TNIP3: variants seen among roughly 807,000 people sequenced by gnomAD.
The protein encoded by TNIP3 is TNFAIP3 interacting protein 3, also known as TNFAIP3-interacting protein 3.
In TNIP3, 34 loss-of-function variants were observed where a neutral mutation model predicts 54.1. The ratio of observed to expected loss-of-function variants is 0.63; its 90% CI spans 0.48 to 0.84. The LOEUF (loss-of-function observed/expected upper bound fraction) is 0.84. TNIP3 is among the 40% of genes least tolerant of loss of function. The pLI, the probability that TNIP3 is intolerant of heterozygous loss-of-function variation, is 0.00. For missense variants in TNIP3, 366 were observed against 387.6 expected, an observed-to-expected ratio of 0.94 and a Z score of 0.47; for synonymous variants, 134 against 136.8, an observed-to-expected ratio of 0.98 and a Z score of 0.14.
intron 7 of TNIP3, among the ~76,000 whole-genome samples, chr4:121,146,705 T>G (rs1488534608): frequency 6.6e-6 from 1 of 152,028 alleles, no homozygotes; most frequent in Non-Finnish European, 1.5e-5. Flanking sequence ...TCAAAGAAAA[T>G]GACAAGAATT....
chr4:121,220,601 A>T (rs1334380935), upstream of TNIP3, among the ~76,000 whole-genome samples: 1 of 151,962 alleles, frequency 6.6e-6, no homozygotes, highest in Non-Finnish European at 1.5e-5. Flanking sequence ...GTTTTTTTTT[A>T]ACCTTTTGGT....
In TNIP3 at chr4:121,142,761, T is replaced by A; in HGVS notation, c.751A>T (p.Met251Leu). ...RLNSQIKACQ[M>L]EKEKLEKQLK... ...TGCTTTTCTAGTTTTTCTTTCTCCA[T>A]CTGACAAGCTTTTATCTAAAGACAA... The change falls in exon 8 of 11, where the codon ATG (methionine) becomes TTG (leucine). Residue 251 changes from methionine (M) to leucine (L), a missense_variant. Coordinates refer to ENST00000057513, the MANE Select transcript of TNIP3 (RefSeq NM_024873.6). 3 of 1,612,650 alleles carry A rather than the reference T, an allele frequency of 1.9e-6. No homozygotes were observed. Among genetic ancestry groups the A allele is most frequent in the African/African-American group, 1.3e-5 (1 of 75,014 alleles).
At chr4:121,185,646 ATC>A (rs1159103727) in intron 2 of TNIP3, among the ~76,000 whole-genome samples, 1 of 152,216 alleles carries the variant, frequency 6.6e-6, no homozygotes, top group Non-Finnish European at 1.5e-5. Context: ...ATTAACTCAA[ATC>A]TAACCAATAA....
Position 121,157,122 on chromosome 4 carries a change from AGGTC to A in TNIP3, c.331_334del (p.Asp111Ter). On this transcript the variant is annotated frameshift_variant, in exon 4 of 11. Coordinates refer to ENST00000057513, the MANE Select transcript of TNIP3 (RefSeq NM_024873.6). LOFTEE classifies it high-confidence loss of function. ...CTCCCGCTGCAGCCGGTCCCGGGTC[AGGTC>A]GCGCTGCCTGTCGTCCTCTCTCTGC... 1 of 1,607,360 alleles carries A rather than the reference AGGTC, an allele frequency of 6.2e-7. No homozygotes were observed. Among genetic ancestry groups the A allele is most frequent in the Non-Finnish European group, 8.5e-7 (1 of 1,174,330 alleles).
intron 2 of TNIP3, among the ~76,000 whole-genome samples, chr4:121,187,634 A>T (rs1465929750): frequency 6.6e-6 from 1 of 152,242 alleles, no homozygotes. Flanking sequence ...TAAAGAAAAC[A>T]ACTATAGGTC....
At chr4:121,156,052 A>C (rs530895329) in intron 4 of TNIP3, among the ~76,000 whole-genome samples, 1 of 152,334 alleles carries the variant, frequency 6.6e-6, no homozygotes, top group South Asian at 2.1e-4. Flanking sequence ...GCTAGAGTGT[A>C]ATTGGAAAAG....
At chr4:121,227,386 A>G in exon 1 of TNIP3, 1 of 1,535,466 alleles carries the variant, frequency 6.5e-7, no homozygotes, top group East Asian at 2.5e-5. Context: ...GTTACTCACC[A>G]TGTTCTATCC....
rs142456270 is a variant in TNIP3 at position 121,132,635 on chromosome 4, G to A, written c.974C>T (p.Pro325Leu). 28 of 1,612,836 alleles carry A rather than the reference G, an allele frequency of 1.7e-5. No homozygotes were observed. Among genetic ancestry groups the A allele is most frequent in the East Asian group, 1.3e-4 (6 of 44,870 alleles). ...NGLSSVKKVHP is the reference protein window; with the variant it reads ...NGLSSVKKVHL ...TCTCTCTGTTAGTGTGTACTTCTAC[G>A]GATGGACTTTCTTTACTGAGGATAA... Residue 325 changes from proline (P) to leucine (L), a missense_variant, in exon 11 of 11, where the codon CCG (proline) becomes CTG (leucine). Coordinates refer to ENST00000057513, the MANE Select transcript of TNIP3 (RefSeq NM_024873.6).
intron 3 of TNIP3, among the ~76,000 whole-genome samples, chr4:121,158,054 C>A (rs966159598): frequency 6.6e-6 from 1 of 152,154 alleles, no homozygotes; most frequent in African/African-American, 2.4e-5. Context: ...TTTCTTAATA[C>A]TGAATTATTT....
chr4:121,139,618 G>T (rs1007502901), intron 9 of TNIP3, among the ~76,000 whole-genome samples: 9 of 152,176 alleles, frequency 5.9e-5, no homozygotes, highest in Non-Finnish European at 8.8e-5. Flanking sequence ...TTACAAGGCT[G>T]CCAGACCACT....
chr4:121,182,002 C>T (rs1202399414), intron 3 of TNIP3, among the ~76,000 whole-genome samples: 1 of 151,962 alleles, frequency 6.6e-6, no homozygotes, highest in Non-Finnish European at 1.5e-5. Flanking sequence ...TTTTAAAATG[C>T]CAGCCATGCT....
chr4:121,175,008 A>T (rs1724223578), intron 3 of TNIP3, among the ~76,000 whole-genome samples: 1 of 152,216 alleles, frequency 6.6e-6, no homozygotes, highest in Non-Finnish European at 1.5e-5. Flanking sequence ...TGTCCCTAGG[A>T]GACATCCACA....
At chr4:121,176,015 G>T (rs372943805) in intron 3 of TNIP3, among the ~76,000 whole-genome samples, 16 of 152,104 alleles carry the variant, frequency 1.1e-4, no homozygotes, top group African/African-American at 1.7e-4. Flanking sequence ...AAAAATCCTC[G>T]TAATGAATGG....
At chr4:121,223,430 C>T (rs531815725) in intron 1 of TNIP3, among the ~76,000 whole-genome samples, 1 of 152,212 alleles carries the variant, frequency 6.6e-6, no homozygotes, top group Non-Finnish European at 1.5e-5. Context: ...ATGCTGGATT[C>T]GTTCTCATTA....
intron 5 of TNIP3, among the ~76,000 whole-genome samples, chr4:121,151,636 G>T (rs561067672): frequency 6.6e-5 from 10 of 152,030 alleles, no homozygotes; most frequent in African/African-American, 2.4e-4. Context: ...GAGAATCTAG[G>T]GTGGGGTGGG....
rs1489950120 is a variant in TNIP3 at position 121,142,734 on chromosome 4, A to T, written c.778T>A (p.Leu260Ile). ...QMEKEKLEKQLKQMYCPPCNC... is the reference protein window; with the variant it reads ...QMEKEKLEKQIKQMYCPPCNC... ...AAATTAGATCAACATACCTGTTTTA[A>T]TTGCTTTTCTAGTTTTTCTTTCTCC... Residue 260 changes from leucine (L) to isoleucine (I), a missense_variant, in exon 8 of 11, where the codon TTA (leucine) becomes ATA (isoleucine). Transcript: ENST00000057513. The T allele has an allele frequency of 6.2e-6, 10 of 1,611,976 alleles. No individual in the cohort carries two copies. Among genetic ancestry groups the T allele is most frequent in the Non-Finnish European group, 8.5e-6 (10 of 1,178,396 alleles).
At position 121,142,770 on chromosome 4, in the gene TNIP3, C is replaced by T. The variant is rs1326377177; in HGVS notation, c.742G>A (p.Ala248Thr). ...QLNRLNSQIK[A>T]CQMEKEKLEK... ...AGTTTTTCTTTCTCCATCTGACAAG[C>T]TTTTATCTAAAGACAAAACAAAGGC... The change falls in exon 8 of 11, where the codon GCT (alanine) becomes ACT (threonine). Residue 248 changes from alanine (A) to threonine (T), a missense_variant. Ala to Thr is a moderately conservative substitution (Grantham distance 58). Coordinates refer to ENST00000057513, the MANE Select transcript of TNIP3 (RefSeq NM_024873.6). The T allele has an allele frequency of 1.9e-6, 3 of 1,612,016 alleles. No homozygotes were observed. Among genetic ancestry groups the T allele is most frequent in the East Asian group, 2.2e-5 (1 of 44,814 alleles).
In TNIP3 at chr4:121,161,155, A is replaced by G; in HGVS notation, c.128T>C (p.Leu43Ser). Reference sequence around the variant, plus strand: ...AGTTACCTCTTTTCTTTGTTTTTCCAAACACCTTATCTTTTGTTCAAGAGA... The same window carrying G: ...AGTTACCTCTTTTCTTTGTTTTTCCGAACACCTTATCTTTTGTTCAAGAGA... ...MNSLEQKIRCLEKQRKELLEV... is the reference protein window; with the variant it reads ...MNSLEQKIRCSEKQRKELLEV... Residue 43 changes from leucine to serine, a missense_variant, in exon 2 of 11, where the codon TTG (leucine) becomes TCG (serine). Physicochemically the swap from Leu to Ser is moderately radical, Grantham distance 145. Coordinates refer to ENST00000057513, the MANE Select transcript of TNIP3 (RefSeq NM_024873.6). 6.3e-7 allele frequency: 1 copy of G among 1,586,990 alleles called. No individual in the cohort carries two copies. The highest frequency in any genetic ancestry group is 8.6e-7 in the Non-Finnish European group (1 of 1,163,140).
chr4:121,197,930 C>T (rs909231275), intron 2 of TNIP3, among the ~76,000 whole-genome samples: 7 of 152,146 alleles, frequency 4.6e-5, no homozygotes, highest in South Asian at 2.1e-4. Context: ...TCTGTAATGA[C>T]GAATCTTGCT....
Sources: gnomAD v4.1 joint callset for allele counts (sites outside exome capture counted in the v4.1 genomes callset) on GRCh38, gnomAD v4.1.1 for gene constraint, MANE v1.5 for transcripts, NCBI Gene and HGNC (gene_info 2026-07-23, HGNC 2026-07-21) for gene names.